Variants in CACNB4 observed in about 807,000 individuals in gnomAD.
CACNB4 encodes calcium voltage-gated channel auxiliary subunit beta 4.
Under a neutral mutation model 71.2 loss-of-function variants are expected in CACNB4, and 32 were observed. The observed-to-expected ratio is 0.45, with a 90% CI of 0.34 to 0.60. The LOEUF (loss-of-function observed/expected upper bound fraction) is 0.60. Ranked by LOEUF, CACNB4 falls within the 20% of genes least tolerant of loss-of-function variation. CACNB4 has a pLI of 0.01. For missense variants in CACNB4, 464 were observed against 647.9 expected, an observed-to-expected ratio of 0.72 and a Z score of 3.08; for synonymous variants, 231 against 236.9, an observed-to-expected ratio of 0.97 and a Z score of 0.23.
In CACNB4 at chr2:151,876,467, T is replaced by C; in HGVS notation, c.480A>G (p.Ile160Met). Reference sequence around the variant, plus strand: ...CTCTTTTTTGTTCTTGCTGGATCCGTATGTTCTCCAATCTGAGTGGACTTG... The same window carrying C: ...CTCTTTTTTGTTCTTGCTGGATCCGCATGTTCTCCAATCTGAGTGGACTTG... ...FIPSPLRLEN[I>M]RIQQEQKRGR... is the part of the protein sequence containing the mutation. Residue 160 changes from isoleucine (I) to methionine (M), a missense_variant, in exon 5 of 14, where the codon ATA becomes ATG. Ile to Met is a conservative substitution (Grantham distance 10, BLOSUM62 1). Around this residue, in one of 3 missense-constraint regions of CACNB4, gnomAD observed 299 missense variants for 471.7 expected, o/e 0.63. Coordinates refer to ENST00000539935, the MANE Select transcript of CACNB4 (RefSeq NM_000726.5). The C allele has an allele frequency of 6.2e-7, 1 of 1,604,842 alleles. No homozygotes were observed. Among genetic ancestry groups the C allele is most frequent in the East Asian group, 2.2e-5 (1 of 44,558 alleles).
intron 2 of CACNB4, among the ~76,000 whole-genome samples, chr2:152,024,217 G>A (rs1683840301): frequency 6.6e-6 from 1 of 152,210 alleles, no homozygotes; most frequent in African/African-American, 2.4e-5. Context: ...TAGCTACTCA[G>A]GAGGCTGAGA....
intron 2 of CACNB4, among the ~76,000 whole-genome samples, chr2:152,062,703 T>A (rs183128299): frequency 0.014 from 2,067 of 152,258 alleles, 156 homozygotes; most frequent in Admixed American, 0.13. Context: ...TCTCCCATCA[T>A]GGCAAGACAG....
chr2:151,895,035 C>G (rs2099851646), intron 2 of CACNB4, among the ~76,000 whole-genome samples: 1 of 150,478 alleles, frequency 6.6e-6, no homozygotes, highest in African/African-American at 2.4e-5. Context: ...ATACCAATAA[C>G]ATTCTTCAAA....
chr2:151,915,270 C>T (rs1000161217), intron 2 of CACNB4, among the ~76,000 whole-genome samples: 4 of 152,198 alleles, frequency 2.6e-5, no homozygotes, highest in Admixed American at 1.3e-4. Context: ...CTAACACAGC[C>T]GGTCTGTTGG....
At chr2:151,905,217 T>C (rs751397480) in intron 2 of CACNB4, among the ~76,000 whole-genome samples, 3 of 152,192 alleles carry the variant, frequency 2.0e-5, no homozygotes, top group Non-Finnish European at 4.4e-5. Flanking sequence ...AGGATGCCTA[T>C]AATAATCATT....
intron 2 of CACNB4, among the ~76,000 whole-genome samples, chr2:151,917,855 AC>A (rs2099857935): frequency 7.1e-6 from 1 of 140,484 alleles, no homozygotes; most frequent in Non-Finnish European, 1.6e-5. Flanking sequence ...AAAAAAAAGA[AC>A]ATTTCTGAAA....
intron 2 of CACNB4, among the ~76,000 whole-genome samples, chr2:151,911,307 T>C (rs1338770130): frequency 1.3e-5 from 2 of 152,224 alleles, no homozygotes; most frequent in Non-Finnish European, 2.9e-5. Flanking sequence ...TTCTCTTGCC[T>C]GATTGCCCTG....
chr2:151,847,229 A>C (rs947428736), intron 12 of CACNB4, among the ~76,000 whole-genome samples: 4 of 152,084 alleles, frequency 2.6e-5, no homozygotes, highest in African/African-American at 9.7e-5. Flanking sequence ...AAAATCAAAA[A>C]ATGAGCTGGG....
chr2:152,028,666 G>A (rs1193873426), intron 2 of CACNB4, among the ~76,000 whole-genome samples: 2 of 152,142 alleles, frequency 1.3e-5, no homozygotes, highest in Non-Finnish European at 2.9e-5. Flanking sequence ...GCAATCTGTT[G>A]GTCAAAAACA....
At chr2:152,030,926 G>A (rs548547654) in intron 2 of CACNB4, among the ~76,000 whole-genome samples, 1 of 152,186 alleles carries the variant, frequency 6.6e-6, no homozygotes, top group Admixed American at 6.5e-5. Context: ...CTGATGTCAA[G>A]CAAGGTTGGG....
rs149950654 is a variant in CACNB4, at chr2:151,899,342, T to C, written c.148-15972A>G. The stretch of plus-strand genomic sequence containing the variant: ...AGTGGCCTGAGAAATAAAACAGTAC[T>C]GGATCTGTGAACTATCCAGTACTGC... On this transcript the variant is annotated intron_variant, in intron 2 of 13. Transcript: ENST00000539935. Among the ~76,000 whole-genome samples the C allele has an allele frequency of 2.4e-3, 363 of 152,262 alleles. 6 individuals carry two copies. Among genetic ancestry groups the C allele is most frequent in the East Asian group, 2.9e-3 (15 of 5,190 alleles).
At position 152,098,564 on chromosome 2, in the gene CACNB4, G is replaced by GCCCCCCCCCCCCCCCCCCCCCAACCAACC; in HGVS notation, c.64-152_64-151insGGTTGGTTGGGGGGGGGGGGGGGGGGGGG. On this transcript the variant is annotated intron_variant, in intron 1 of 13. Transcript: ENST00000539935. The surrounding 1 kb of genome is among the most constrained non-coding windows in gnomAD (Gnocchi z 5.3). ...GTCTCCTCCGCGACTCCCAAATACA[G>GCCCCCCCCCCCCCCCCCCCCCAACCAACC]CCCCCACCCCCACCCACCCACTGCA... is the stretch of plus-strand genomic sequence containing the variant. 1.1e-6 allele frequency: 1 copy of GCCCCCCCCCCCCCCCCCCCCCAACCAACC among 931,268 alleles called. No homozygotes were observed. The allele number at this position is 931,268 out of a possible 1,614,324, so 57.7% of individuals were successfully genotyped here.
intron 2 of CACNB4, among the ~76,000 whole-genome samples, chr2:152,035,651 C>CTCTCTCTCTCTCTCTCTCTCTCTCTA (rs796161186): frequency 8.5e-6 from 1 of 118,042 alleles, no homozygotes; most frequent in Admixed American, 8.6e-5. Context: ...CTCTCTCTCT[C>CTCTCTCTCTCTCTCTCTCTCTCTCTA]TATATATATA....
At chr2:151,974,511 T>C (rs1053527617) in intron 2 of CACNB4, among the ~76,000 whole-genome samples, 1 of 152,182 alleles carries the variant, frequency 6.6e-6, no homozygotes, top group Non-Finnish European at 1.5e-5. Flanking sequence ...ACTGGTGAAG[T>C]TTGAAAAGGA....
At chr2:151,902,407 A>C (rs2099853695) in intron 2 of CACNB4, among the ~76,000 whole-genome samples, 1 of 152,164 alleles carries the variant, frequency 6.6e-6, no homozygotes, top group African/African-American at 2.4e-5. Flanking sequence ...CACTGGAAGC[A>C]CTTTATTAAC....
intron 2 of CACNB4, among the ~76,000 whole-genome samples, chr2:151,997,157 T>C (rs527436604): frequency 1.3e-5 from 2 of 152,328 alleles, no homozygotes; most frequent in Admixed American, 1.3e-4. Context: ...AAAGGGTCTT[T>C]GCAAATTTAA....
At chr2:151,986,566 T>C (rs958964464) in intron 2 of CACNB4, among the ~76,000 whole-genome samples, 1 of 152,196 alleles carries the variant, frequency 6.6e-6, no homozygotes, top group South Asian at 2.1e-4. Flanking sequence ...GCTATTGATA[T>C]TGGGGTCACA....
chr2:151,900,596 G>T (rs1384107460), intron 2 of CACNB4, among the ~76,000 whole-genome samples: 2 of 152,204 alleles, frequency 1.3e-5, no homozygotes, highest in Non-Finnish European at 2.9e-5. Flanking sequence ...AGCAAATCAG[G>T]AAAGCCGGGA....
intron 2 of CACNB4, among the ~76,000 whole-genome samples, chr2:152,072,851 G>A (rs868269057): frequency 7.6e-4 from 114 of 150,004 alleles, no homozygotes; most frequent in African/African-American, 2.7e-3. Context: ...GGGTTTCACC[G>A]TGTTAGCCAG....
Sources: allele counts gnomAD v4.1 joint callset (sites outside exome capture counted in the v4.1 genomes callset), GRCh38; gene constraint gnomAD v4.1.1; regional missense constraint gnomAD v4.1.1; non-coding constraint Gnocchi (gnomAD v3.1); transcripts MANE v1.5; gene names NCBI Gene and HGNC (gene_info 2026-07-23, HGNC 2026-07-21).